Variants in CHD6 observed in about 807,000 individuals in gnomAD.
The protein encoded by CHD6 is chromodomain helicase DNA binding protein 6, also known as ATP-dependent chromatin remodeler CHD6.
A neutral mutation model predicts 276.9 loss-of-function variants in CHD6; 50 were observed. That is an observed-to-expected ratio of 0.18 (90% CI 0.14 to 0.23). The LOEUF (loss-of-function observed/expected upper bound fraction) is 0.23. Ranked by LOEUF, CHD6 falls within the 10% of genes least tolerant of loss-of-function variation. The probability of loss-of-function intolerance (pLI) is 1.00; values close to 1 mark genes in which losing one functional copy is unlikely to be tolerated. For synonymous variants in CHD6, 1,173 were observed against 1,229.3 expected (o/e 0.95, Z 0.96); for missense variants, 2,564 against 3,365.8 (o/e 0.76, Z 5.89).
chr20:41,523,095 C>G (rs1382971207), intron 3 of CHD6, among the ~76,000 whole-genome samples: 5 of 152,202 alleles, frequency 3.3e-5, no homozygotes, highest in Non-Finnish European at 7.4e-5. Flanking sequence ...GGCACCCAGA[C>G]AGGCACAGGG....
At chr20:41,604,864 T>C (rs1013808482) in intron 1 of CHD6, among the ~76,000 whole-genome samples, 2 of 152,102 alleles carry the variant, frequency 1.3e-5, no homozygotes, top group African/African-American at 4.8e-5. Flanking sequence ...TACTGAAAGG[T>C]ATGGGCACAT....
chr20:41,602,141 A>G (rs996742984), intron 1 of CHD6, among the ~76,000 whole-genome samples: 22 of 152,206 alleles, frequency 1.4e-4, no homozygotes, highest in Non-Finnish European at 2.1e-4. Flanking sequence ...GATTAATGAG[A>G]GCAAACTGAT....
At position 41,420,668 on chromosome 20, in the gene CHD6, A is replaced by C; in HGVS notation, c.5967T>G (p.Phe1989Leu). 1.9e-6 allele frequency: 3 copies of C among 1,614,238 alleles called. No homozygotes were observed. Among genetic ancestry groups the C allele is most frequent in the Non-Finnish European group, 2.5e-6 (3 of 1,180,024 alleles). The stretch of plus-strand genomic sequence containing the variant: ...CTTTTAAAAGCTCATGCTTCACTTT[A>C]AACGGCTGTGATGGAATAGCAGTGG... ...GEPTAIPSQP[F>L]KVKHELLKEP... Residue 1989 changes from phenylalanine (F) to leucine (L), a missense_variant, in exon 31 of 37, where the codon TTT (phenylalanine) becomes TTG (leucine). Phe to Leu is a conservative substitution (Grantham distance 22). Coordinates refer to ENST00000373233, the MANE Select transcript of CHD6 (RefSeq NM_032221.5).
chr20:41,412,875 C>A (rs1274918559), intron 35 of CHD6, among the ~76,000 whole-genome samples: 1 of 152,136 alleles, frequency 6.6e-6, no homozygotes, highest in African/African-American at 2.4e-5. Flanking sequence ...TAAGGACAGA[C>A]CGTCCCCCAA....
chr20:41,497,163 C>T (rs769204164), intron 8 of CHD6: 51 of 508,578 alleles, frequency 1.0e-4, no homozygotes, highest in South Asian at 8.1e-4. Context: ...AGATGCACGC[C>T]GTTATGAGTT....
chr20:41,604,704 C>A (rs2045809438), intron 1 of CHD6, among the ~76,000 whole-genome samples: 1 of 152,204 alleles, frequency 6.6e-6, no homozygotes, highest in Non-Finnish European at 1.5e-5. Flanking sequence ...TGCCACCCAT[C>A]TTCTCTAAGA....
chr20:41,594,694 T>C (rs1324131478), intron 1 of CHD6, among the ~76,000 whole-genome samples: 2 of 152,218 alleles, frequency 1.3e-5, no homozygotes, highest in Non-Finnish European at 2.9e-5. Context: ...GCTTAATCTA[T>C]AACTAGCAAA....
At chr20:41,603,684 G>A (rs938125017) in intron 1 of CHD6, among the ~76,000 whole-genome samples, 108 of 152,238 alleles carry the variant, frequency 7.1e-4, no homozygotes, top group African/African-American at 2.5e-3. Context: ...TGGGCAACAT[G>A]GTGAAACCCT....
intron 1 of CHD6, among the ~76,000 whole-genome samples, chr20:41,579,596 T>C (rs899969078): frequency 1.2e-4 from 18 of 152,172 alleles, no homozygotes; most frequent in African/African-American, 3.4e-4. Flanking sequence ...CTCTAAAGAC[T>C]ATACGTGAGA....
chr20:41,497,408 G>A lies in CHD6; in HGVS notation c.1068C>T (p.Ala356=), dbSNP rs41304645. Residue 356 remains alanine (A), a synonymous_variant, in exon 8 of 37, where the codon GCC becomes GCT. Coordinates refer to ENST00000373233, the MANE Select transcript of CHD6 (RefSeq NM_032221.5). ...QKIKRFRNKQ[A]QMKHIFTEPD... Reference sequence around the variant, plus strand: ...CCTCCGTAAAAATGTGCTTCATCTGGGCTTGTTTATTCCTAAATCGCTTGA... The same window carrying A: ...CCTCCGTAAAAATGTGCTTCATCTGAGCTTGTTTATTCCTAAATCGCTTGA... The A allele has an allele frequency of 0.019, 30,353 of 1,612,812 alleles. 325 individuals carry two copies. Among genetic ancestry groups the A allele is most frequent in the Non-Finnish European group, 0.021 (25,325 of 1,178,920 alleles).
At chr20:41,440,705 C>A (rs1335716117) in intron 25 of CHD6, among the ~76,000 whole-genome samples, 25 of 152,326 alleles carry the variant, frequency 1.6e-4, no homozygotes, top group Admixed American at 5.9e-4. Flanking sequence ...TGTTTTGACC[C>A]AGAAGAGGGG....
rs373995919 is a variant in CHD6, at chr20:41,412,252, G to T, written c.7143C>A (p.Asp2381Glu). ...AGCGTGGCCTCCTCTGCTTTGGTTT[G>T]TCTGAAAAATTCTAGGATGAAAACG... ...EVPGFGANFS[D>E]KPKQRRPRCK... The change falls in exon 36 of 37, where the codon GAC becomes GAA. Residue 2381 changes from aspartate (D) to glutamate (E), a missense_variant. Physicochemically the swap from Asp to Glu is conservative, Grantham distance 45 (BLOSUM62 2). Coordinates refer to ENST00000373233, the MANE Select transcript of CHD6 (RefSeq NM_032221.5). 107 of 1,613,968 alleles carry T rather than the reference G, an allele frequency of 6.6e-5. No individual in the cohort carries two copies. The highest frequency in any genetic ancestry group is 8.1e-5 in the Non-Finnish European group (96 of 1,180,000).
At chr20:41,577,719 G>T (rs997986629) in intron 1 of CHD6, among the ~76,000 whole-genome samples, 1 of 152,122 alleles carries the variant, frequency 6.6e-6, no homozygotes, top group Admixed American at 6.5e-5. Flanking sequence ...ATCTTCCAAG[G>T]CTAGTGGGTC....
chr20:41,548,779 A>C (rs901371755), intron 2 of CHD6, among the ~76,000 whole-genome samples: 5 of 152,124 alleles, frequency 3.3e-5, no homozygotes, highest in Non-Finnish European at 1.5e-5. Flanking sequence ...ATCTACATGA[A>C]CTCAAACAAA....
At chr20:41,410,246 G>A (rs372717657) in intron 36 of CHD6, among the ~76,000 whole-genome samples, 22 of 152,274 alleles carry the variant, frequency 1.4e-4, no homozygotes, top group African/African-American at 5.3e-4. Context: ...AGGTCATAGG[G>A]GTCGAGCCCT....
chr20:41,520,062 A>G (rs1354931905), intron 3 of CHD6, among the ~76,000 whole-genome samples: 1 of 152,258 alleles, frequency 6.6e-6, no homozygotes, highest in Non-Finnish European at 1.5e-5. Flanking sequence ...CAAAAGACAC[A>G]TGAAAAAATG....
chr20:41,444,858 A>G (rs778989462), intron 25 of CHD6, among the ~76,000 whole-genome samples: 2 of 151,974 alleles, frequency 1.3e-5, no homozygotes, highest in African/African-American at 2.4e-5. Context: ...GACTTGCCCA[A>G]TGTCACACAT....
intron 1 of CHD6, among the ~76,000 whole-genome samples, chr20:41,573,144 C>A (rs576853579): frequency 6.6e-6 from 1 of 152,206 alleles, no homozygotes; most frequent in Admixed American, 6.5e-5. Context: ...TTCCTGACCT[C>A]GTGATCCACC....
intron 1 of CHD6, among the ~76,000 whole-genome samples, chr20:41,579,695 A>G (rs1205988861): frequency 1.3e-5 from 2 of 152,196 alleles, no homozygotes; most frequent in Non-Finnish European, 2.9e-5. Context: ...ATCTATTATC[A>G]AAGTATAAAC....
Sources: gnomAD v4.1 joint callset for allele counts (sites outside exome capture counted in the v4.1 genomes callset) on GRCh38, gnomAD v4.1.1 for gene constraint, MANE v1.5 for transcripts, NCBI Gene and HGNC (gene_info 2026-07-23, HGNC 2026-07-21) for gene names.